The following XPO1 variants were observed in gnomAD, a reference collection of about 807,000 sequenced individuals.
XPO1 encodes the protein exportin-1.
In XPO1, 5 loss-of-function variants were observed where a neutral mutation model predicts 133.3. The observed-to-expected ratio is 0.04, with a 90% CI of 0.02 to 0.08. The LOEUF (loss-of-function observed/expected upper bound fraction) is 0.08. XPO1 is among the 10% of genes least tolerant of loss of function. The pLI, the probability that XPO1 is intolerant of heterozygous loss-of-function variation, is 1.00. For missense variants in XPO1, 506 were observed against 1,267.5 expected, an observed-to-expected ratio of 0.40 and a Z score of 9.12; for synonymous variants, 419 against 408.2, an observed-to-expected ratio of 1.03 and a Z score of -0.32.
intron 2 of XPO1, among the ~76,000 whole-genome samples, chr2:61,530,336 C>T (rs1181227508): frequency 1.3e-5 from 2 of 151,950 alleles, no homozygotes; most frequent in Admixed American, 6.6e-5. Flanking sequence ...TATTCTAATC[C>T]CACCATTCTT....
At chr2:61,498,964 G>T (rs1021317947) in intron 7 of XPO1, 51 bp from the exon 8 acceptor site, 8 of 1,513,806 alleles carry the variant, frequency 5.3e-6, no homozygotes, top group Middle Eastern at 4.2e-4. Flanking sequence ...ACAGAAATAA[G>T]TATCAGTTAT....
chr2:61,483,262 T>A, intron 21 of XPO1, 171 bp from the exon 22 acceptor site: 1 of 604,156 alleles, frequency 1.7e-6, no homozygotes, highest in Non-Finnish European at 2.7e-6. Flanking sequence ...AATACAACTA[T>A]ATCCAATGCT....
intron 2 of XPO1, among the ~76,000 whole-genome samples, chr2:61,532,830 T>C (rs1699216545): frequency 6.8e-6 from 1 of 146,786 alleles, no homozygotes; most frequent in East Asian, 2.1e-4. Flanking sequence ...CAAGACTCCA[T>C]CTGAAAAAAA....
rs61072503 is a variant in XPO1 at position 61,491,459 on chromosome 2, AACACACACAC to A, written c.1887+566_1887+575del. ...GAGTGAAACTCCATCTCAAAAAACA[AACACACACAC>A]ACACACACACACACACACACACACA... On this transcript the variant is annotated intron_variant, in intron 16 of 24. Coordinates refer to ENST00000401558, the MANE Select transcript of XPO1 (RefSeq NM_003400.4). Among the ~76,000 whole-genome samples, 183 of 142,884 alleles carry A rather than the reference AACACACACAC, an allele frequency of 1.3e-3. 2 individuals carry two copies. Among genetic ancestry groups the A allele is most frequent in the Admixed American group, 4.3e-3 (61 of 14,280 alleles). The allele number at this position is 142,884 out of a possible 152,430, so 93.7% of individuals were successfully genotyped here.
At chr2:61,533,945 T>C (rs745695272) in intron 1 of XPO1, 42 bp from the exon 2 acceptor site, 4 of 1,426,128 alleles carry the variant, frequency 2.8e-6, no homozygotes, top group Middle Eastern at 1.9e-4. Context: ...TATCAAGTTT[T>C]GGTATTATCA....
chr2:61,483,938 C>T lies in XPO1; in HGVS notation c.2676G>A (p.Thr892=), dbSNP rs1056530956. 8.1e-6 allele frequency: 13 copies of T among 1,610,632 alleles called. No individual in the cohort carries two copies. The highest frequency in any genetic ancestry group is 2.7e-5 in the African/African-American group (2 of 74,758). Residue 892 remains threonine (T), a splice_region_variant and synonymous_variant, in exon 21 of 25, where the codon ACG becomes ACA. Coordinates refer to ENST00000401558, the MANE Select transcript of XPO1 (RefSeq NM_003400.4). ...AATAAAAGAACATCTTTTATTTACC[C>T]GTATCTGCGACATTCCTCATAGTAT... ...FKHTMRNVAD[T]GLQILFTLLQ... is the part of the protein sequence containing the mutation.
chr2:61,490,578 A>G, intron 17 of XPO1, 64 bp downstream of exon 17: 2 of 1,600,650 alleles, frequency 1.2e-6, no homozygotes, highest in Middle Eastern at 1.8e-4. Flanking sequence ...AATTCAATAC[A>G]TTTGTAAAGA....
chr2:61,527,618 G>C (rs1388658220), intron 2 of XPO1, among the ~76,000 whole-genome samples: 1 of 152,108 alleles, frequency 6.6e-6, no homozygotes, highest in Non-Finnish European at 1.5e-5. Context: ...CTGAAAACTA[G>C]GTCTAATTAA....
intron 4 of XPO1, among the ~76,000 whole-genome samples, chr2:61,513,148 G>A (rs986992607): frequency 2.7e-5 from 4 of 150,800 alleles, no homozygotes. Context: ...TCCACCTCCC[G>A]AACTCAACTC....
At chr2:61,508,273 G>A (rs1033661296) in intron 4 of XPO1, among the ~76,000 whole-genome samples, 1 of 152,196 alleles carries the variant, frequency 6.6e-6, no homozygotes, top group Middle Eastern at 3.4e-3. Context: ...TTGTTTCTTG[G>A]AAAGCCATAT....
intron 10 of XPO1, among the ~76,000 whole-genome samples, chr2:61,496,293 C>T (rs1164270502): frequency 1.3e-5 from 2 of 152,114 alleles, no homozygotes; most frequent in African/African-American, 4.8e-5. Flanking sequence ...CTCATTTTAA[C>T]TTTGTATTAA....
At chr2:61,496,044 C>T (rs887091558) in intron 10 of XPO1, among the ~76,000 whole-genome samples, 1 of 152,100 alleles carries the variant, frequency 6.6e-6, no homozygotes, top group African/African-American at 2.4e-5. Flanking sequence ...CTCCTAGGTC[C>T]AGTATACCTA....
intron 2 of XPO1, among the ~76,000 whole-genome samples, chr2:61,530,544 C>T (rs189143004): frequency 4.2e-4 from 64 of 152,184 alleles, no homozygotes; most frequent in Admixed American, 9.8e-4. Context: ...CTTCCCGCAT[C>T]TTTTTTCTAG....
chr2:61,491,459 A>AACAAACACACACACACAC (rs1696983381), intron 16 of XPO1, among the ~76,000 whole-genome samples: 2 of 142,908 alleles, frequency 1.4e-5, no homozygotes, highest in African/African-American at 2.6e-5. Flanking sequence ...TCAAAAAACA[A>AACAAACACACACACACAC]ACACACACAC....
intron 4 of XPO1, among the ~76,000 whole-genome samples, chr2:61,514,183 T>C (rs1202840628): frequency 1.3e-5 from 2 of 148,260 alleles, no homozygotes; most frequent in Non-Finnish European, 3.0e-5. Context: ...CCAGGCTCCG[T>C]CTCAAAAAAA....
At chr2:61,481,344 C>A (rs1482021625) in intron 23 of XPO1, 63 bp from the exon 24 acceptor site, 1 of 1,309,626 alleles carries the variant, frequency 7.6e-7, no homozygotes, top group South Asian at 1.4e-5. Context: ...GAGTATTGCT[C>A]TGTCACCAGG....
intron 4 of XPO1, among the ~76,000 whole-genome samples, chr2:61,514,627 C>T (rs1489402797): frequency 6.6e-6 from 1 of 150,556 alleles, no homozygotes; most frequent in Non-Finnish European, 1.5e-5. Context: ...AAATTAAAAC[C>T]ACCATGAGAT....
chr2:61,514,608 AAAAG>A (rs1698268678), intron 4 of XPO1, among the ~76,000 whole-genome samples: 1 of 151,430 alleles, frequency 6.6e-6, no homozygotes, highest in Non-Finnish European at 1.5e-5. Flanking sequence ...AAAAAAAAAA[AAAAG>A]AAAGAAATTA....
Position 61,495,594 on chromosome 2 carries a change from T to C in XPO1, c.908A>G (p.Asn303Ser), listed in dbSNP as rs201602275. 1.1e-5 allele frequency: 18 copies of C among 1,576,796 alleles called. No homozygotes were observed. Among genetic ancestry groups the C allele is most frequent in the East Asian group, 2.3e-5 (1 of 44,196 alleles). Residue 303 changes from asparagine to serine, a missense_variant, in exon 11 of 25, where the codon AAT becomes AGT. Transcript: ENST00000401558. ...TCCATTTGAGTACGCAAGTCGAATA[T>C]TGGTATTTAAAGGAAGCATCTGCAA... ...QLKQMLPLNT[N>S]IRLAYSNGKD...
Sources: allele counts gnomAD v4.1 joint callset (sites outside exome capture counted in the v4.1 genomes callset), GRCh38; gene constraint gnomAD v4.1.1; transcripts MANE v1.5; gene names NCBI Gene and HGNC (gene_info 2026-07-23, HGNC 2026-07-21).